RBM20: variants seen among roughly 807,000 people sequenced by gnomAD.
RBM20 encodes RNA-binding protein 20.
RBM20 carries 51 observed loss-of-function variants against 110.1 expected under a neutral mutation model. The observed-to-expected ratio is 0.46, with a 90% confidence interval of 0.37 to 0.59. The LOEUF (loss-of-function observed/expected upper bound fraction) is 0.59, where lower values mean the gene tolerates loss of function less well. Ranked by LOEUF, RBM20 falls within the 20% of genes least tolerant of loss-of-function variation. The pLI is 0.00. For missense variants in RBM20, 1,512 were observed against 1,574.9 expected, an observed-to-expected ratio of 0.96 and a Z score of 0.68; for synonymous variants, 589 against 618.2, an observed-to-expected ratio of 0.95 and a Z score of 0.70.
chr10:110,835,779 G>A, intron 13 of RBM20, 89 bp from the exon 14 acceptor site: 2 of 1,324,358 alleles, frequency 1.5e-6, no homozygotes, highest in Non-Finnish European at 2.1e-6. Flanking sequence ...TGCCAGGAGA[G>A]GGATGATTGA....
intron 7 of RBM20, among the ~76,000 whole-genome samples, chr10:110,802,378 C>A (rs1225789436): frequency 7.3e-5 from 9 of 123,286 alleles, no homozygotes; most frequent in African/African-American, 2.8e-4. Context: ...TCAGGCAGAA[C>A]CTGGCTTTTT....
chr10:110,746,585 C>T (rs953695901), intron 1 of RBM20, among the ~76,000 whole-genome samples: 19 of 152,160 alleles, frequency 1.2e-4, no homozygotes, highest in Non-Finnish European at 1.8e-4. Context: ...ATTTCAAGGC[C>T]GGCACCAAAT....
intron 1 of RBM20, among the ~76,000 whole-genome samples, chr10:110,743,351 T>C (rs143079778): frequency 1.9e-3 from 295 of 152,320 alleles, no homozygotes; most frequent in Middle Eastern, 3.4e-3. Context: ...AGAGTTTTCA[T>C]GGGCTAACTG....
At chr10:110,804,611 C>G (rs948592970) in intron 7 of RBM20, among the ~76,000 whole-genome samples, 5 of 152,146 alleles carry the variant, frequency 3.3e-5, no homozygotes, top group Non-Finnish European at 7.3e-5. Flanking sequence ...TGAGGCAGAA[C>G]CTTTCACATG....
Position 110,679,531 on chromosome 10 carries a change from A to G in RBM20, c.191+34886A>G, listed in dbSNP as rs76917024. ...CCACCGTGCCCAGCCTCTTCTTGTT[A>G]ATAATTATCATAGTTCCTGTTATTG... On this transcript the variant is annotated intron_variant, in intron 1 of 13. Transcript: ENST00000369519. 2.3e-3 allele frequency among the ~76,000 whole-genome samples: 348 copies of G among 152,316 alleles called. 2 individuals are homozygous for G. The highest frequency in any genetic ancestry group is 8.0e-3 in the African/African-American group (332 of 41,566).
At chr10:110,765,081 T>C (rs1387614797) in intron 1 of RBM20, among the ~76,000 whole-genome samples, 2 of 152,156 alleles carry the variant, frequency 1.3e-5, no homozygotes. Context: ...TCAGCGATCC[T>C]AATGTCAGGA....
chr10:110,647,399 A>G (rs1438102710), intron 1 of RBM20, among the ~76,000 whole-genome samples: 1 of 152,136 alleles, frequency 6.6e-6, no homozygotes, highest in East Asian at 1.9e-4. Flanking sequence ...AATCATCCAT[A>G]CCTTTTCTGC....
chr10:110,671,562 G>A (rs12359907), intron 1 of RBM20, among the ~76,000 whole-genome samples: 49,223 of 151,860 alleles, frequency 0.32, 8,882 homozygotes, highest in East Asian at 0.65. Flanking sequence ...CTTTAAAGTG[G>A]GAGTGACACA....
rs1216101068 is a variant in RBM20 at position 110,644,534 on chromosome 10, C to A, written c.80C>A (p.Pro27His). 5 of 1,529,006 alleles carry A rather than the reference C, an allele frequency of 3.3e-6. No individual in the cohort carries two copies. In the African/African-American group the frequency reaches 5.7e-5, roughly 17 times the overall value. 94.7% of individuals were successfully genotyped at this position (1,529,006 alleles called of 1,614,324 possible). Residue 27 changes from proline (P) to histidine (H), a missense_variant, in exon 1 of 14, where the codon CCT (proline) becomes CAT (histidine). Physicochemically the swap from Pro to His is moderately conservative, Grantham distance 77. This residue lies in a region of RBM20 where 1,149 missense variants were observed against 1,169.4 expected (regional missense o/e 0.98). Coordinates refer to ENST00000369519, the MANE Select transcript of RBM20 (RefSeq NM_001134363.3). This position sits in a 1 kb window ranked among gnomAD's most constrained non-coding sequence, Gnocchi z 4.3. ...CCGGACAGAGTTGCCTGCAGTGTGC[C>A]TGGTGCCCGGGCGTCCCCGGCACCC... is the stretch of plus-strand genomic sequence containing the variant. ...EQPDRVACSV[P>H]GARASPAPSG... is the part of the protein sequence containing the mutation.
intron 1 of RBM20, among the ~76,000 whole-genome samples, chr10:110,702,980 TTTTTTTTCTTG>T (rs1314505614): frequency 0.012 from 1,219 of 102,842 alleles, 8 homozygotes; most frequent in Non-Finnish European, 0.019. Context: ...TTGGGGTGGG[TTTTTTTTCTTG>T]TTTTTTTTTT....
Position 110,716,251 on chromosome 10 carries a change from A to C in RBM20, c.192-64550A>C, listed in dbSNP as rs760849242. Among the ~76,000 whole-genome samples the C allele has an allele frequency of 2.0e-5, 3 of 152,276 alleles. No individual in the cohort carries two copies. The South Asian group carries it at 6.2e-4, about 32-fold the overall frequency. On this transcript the variant is annotated intron_variant, in intron 1 of 13. Coordinates refer to ENST00000369519, the MANE Select transcript of RBM20 (RefSeq NM_001134363.3). ...AAGCAGTCCCCTTAGAAGGCCCCAG[A>C]TGTCTCCCTCCAGGGCAAGGCTTAG...
At chr10:110,782,480 A>T (rs1844367239) in intron 2 of RBM20, among the ~76,000 whole-genome samples, 1 of 152,246 alleles carries the variant, frequency 6.6e-6, no homozygotes, top group Non-Finnish European at 1.5e-5. Context: ...AATGTATTGC[A>T]GATGCAGTGA....
chr10:110,774,106 C>T (rs760590658), intron 1 of RBM20, among the ~76,000 whole-genome samples: 4 of 152,200 alleles, frequency 2.6e-5, no homozygotes, highest in Admixed American at 1.3e-4. Flanking sequence ...TGACCTCACA[C>T]GGTTCATCTG....
chr10:110,785,847 T>C (rs888516412), intron 5 of RBM20, among the ~76,000 whole-genome samples: 2 of 152,294 alleles, frequency 1.3e-5, no homozygotes, highest in Admixed American at 1.3e-4. Context: ...TTTAAGACTA[T>C]TTAATGTTTT....
intron 1 of RBM20, among the ~76,000 whole-genome samples, chr10:110,737,177 CAAAAAA>C (rs550138775): frequency 1.1e-4 from 3 of 26,628 alleles, no homozygotes; most frequent in Middle Eastern, 0.021. Flanking sequence ...AACTCTGCCT[CAAAAAA>C]AAAAAAAAAA....
chr10:110,754,807 C>T (rs1843901495), intron 1 of RBM20, among the ~76,000 whole-genome samples: 1 of 152,136 alleles, frequency 6.6e-6, no homozygotes, highest in African/African-American at 2.4e-5. Flanking sequence ...GAAGTGTGTC[C>T]AGGTCGGTTT....
chr10:110,680,452 G>T (rs796432595), intron 1 of RBM20, among the ~76,000 whole-genome samples: 5 of 152,300 alleles, frequency 3.3e-5, no homozygotes, highest in African/African-American at 1.2e-4. Flanking sequence ...GGGGGAGGAG[G>T]AGCTCGGTCA....
intron 1 of RBM20, among the ~76,000 whole-genome samples, chr10:110,649,112 T>A (rs1861910366): frequency 6.6e-6 from 1 of 152,202 alleles, no homozygotes; most frequent in Admixed American, 6.5e-5. Flanking sequence ...GAATGTGAAC[T>A]CTGATCTGTT....
intron 1 of RBM20, among the ~76,000 whole-genome samples, chr10:110,691,954 T>C (rs1564816997): frequency 6.6e-6 from 1 of 152,218 alleles, no homozygotes; most frequent in Non-Finnish European, 1.5e-5. Context: ...TTTTTGCATA[T>C]TGTGTAAGGA....
Sources: gnomAD v4.1 joint callset for allele counts (sites outside exome capture counted in the v4.1 genomes callset) on GRCh38, gnomAD v4.1.1 for gene constraint, gnomAD v4.1.1 regional missense constraint, Gnocchi (gnomAD v3.1) non-coding constraint, MANE v1.5 for transcripts, NCBI Gene and HGNC (gene_info 2026-07-23, HGNC 2026-07-21) for gene names.